Variants in ALG2 observed in about 807,000 individuals in gnomAD.
The protein encoded by ALG2 is ALG2 alpha-1,3/1,6-mannosyltransferase.
Under a neutral mutation model 30.5 loss-of-function variants are expected in ALG2, and 32 were observed. That is an observed-to-expected ratio of 1.05 (90% CI 0.79 to 1.41). The LOEUF is 1.41. Among genes scored for constraint, ALG2 ranks in the 40% most tolerant of loss-of-function variants. The pLI is 0.00. For missense variants in ALG2, 574 were observed against 526.4 expected, an observed-to-expected ratio of 1.09 and a Z score of -0.88; for synonymous variants, 253 against 224.8, an observed-to-expected ratio of 1.13 and a Z score of -1.12.
At chr9:99,219,098 G>A (rs1369403666) in intron 1 of ALG2, among the ~76,000 whole-genome samples, 4 of 152,110 alleles carry the variant, frequency 2.6e-5, no homozygotes, top group African/African-American at 2.4e-5. Context: ...TAGAAATCTA[G>A]TAATATTAAA....
At chr9:99,220,930 G>GA in intron 1 of ALG2, 2 of 1,326,766 alleles carry the variant, frequency 1.5e-6, no homozygotes, top group Non-Finnish European at 2.0e-6. Context: ...ATGCACGAAG[G>GA]AAAGAGTCAA....
chr9:99,219,884 G>A (rs1381080135), intron 1 of ALG2, among the ~76,000 whole-genome samples: 1 of 152,316 alleles, frequency 6.6e-6, no homozygotes, highest in Non-Finnish European at 1.5e-5. Flanking sequence ...CAGGATGTTT[G>A]GTAAATGTCC....
At position 99,217,239 on chromosome 9, in the gene ALG2, A is replaced by G. The variant is rs763502604; in HGVS notation, c.*695T>C. On this transcript the variant is annotated 3_prime_UTR_variant, in exon 2 of 2. Transcript: ENST00000476832. ...AAACAAGATGCACAACACATGTGTG[A>G]CAATATTCTTGCTTCATTTCAATAT... 1 of 454,156 alleles carries G rather than the reference A, an allele frequency of 2.2e-6. No homozygotes were observed. The highest frequency in any genetic ancestry group is 1.6e-5 in the South Asian group (1 of 64,474). The allele number at this position is 454,156 out of a possible 1,614,324, so 28.1% of individuals were successfully genotyped here.
intron 1 of ALG2, chr9:99,221,165 G>C (rs773188475): frequency 7.3e-7 from 1 of 1,372,660 alleles, no homozygotes; most frequent in Non-Finnish European, 9.6e-7. Flanking sequence ...AAAAATAACA[G>C]GTAAGCGGGA....
In ALG2 at chr9:99,221,655, G is replaced by C; in HGVS notation, c.240C>G (p.Gly80=). The C allele has an allele frequency of 6.5e-7, 1 of 1,546,852 alleles. No homozygotes were observed. The highest frequency in any genetic ancestry group is 8.7e-7 in the Non-Finnish European group (1 of 1,149,584). The change falls in exon 1 of 2, where the codon GGC becomes GGG. Residue 80 remains glycine, a synonymous_variant. Coordinates refer to ENST00000476832, the MANE Select transcript of ALG2 (RefSeq NM_033087.4). ...CAGDWLPRGL[G]WGGRGAAVCA... Reference sequence around the variant, plus strand: ...AGACGGCGGCGCCGCGGCCGCCCCAGCCCAGGCCTCGCGGCAGCCAGTCCC... The same window carrying C: ...AGACGGCGGCGCCGCGGCCGCCCCACCCCAGGCCTCGCGGCAGCCAGTCCC...
In ALG2 at chr9:99,218,104, G is replaced by A. The variant is rs779437974; in HGVS notation, c.1081C>T (p.Leu361=). 2 of 1,613,214 alleles carry A rather than the reference G, an allele frequency of 1.2e-6. No individual in the cohort carries two copies. Among genetic ancestry groups the A allele is most frequent in the East Asian group, 4.5e-5 (2 of 44,876 alleles). Residue 361 remains leucine (L), a synonymous_variant, in exon 2 of 2, where the codon CTG becomes TTG. Coordinates refer to ENST00000476832, the MANE Select transcript of ALG2 (RefSeq NM_033087.4). ...ESIDHSVTGF[L]CEPDPVHFSE... ...AAGTGCACCGGGTCAGGCTCACACA[G>A]AAACCCTGTGACACTGTGGTCAATG...
At position 99,218,165 on chromosome 9, in the gene ALG2, T is replaced by C. The variant is rs762693196; in HGVS notation, c.1020A>G (p.Pro340=). ...GTCCACCCGAATTAACAGCAATGAC[T>C]GGGCACTGCATGTACATGGCTTCCA... The part of the protein sequence containing the change: ...VPLEAMYMQC[P]VIAVNSGGPL... The change falls in exon 2 of 2, where the codon CCA becomes CCG. Residue 340 remains proline, a synonymous_variant. Transcript: ENST00000476832. The C allele has an allele frequency of 6.8e-6, 11 of 1,612,378 alleles. No homozygotes were observed. The Admixed American group carries it at 8.3e-5, about 12-fold the overall frequency.
chr9:99,221,680 C>G lies in ALG2; in HGVS notation c.215G>C (p.Gly72Ala). Residue 72 changes from glycine (G) to alanine (A), a missense_variant, in exon 1 of 2, where the codon GGG becomes GCG. Physicochemically the swap from Gly to Ala is moderately conservative, Grantham distance 60 (BLOSUM62 0). Transcript: ENST00000476832. ...ESRELPVRCA[G>A]DWLPRGLGWG... ...GCCCAGGCCTCGCGGCAGCCAGTCC[C>G]CGGCACAGCGCACCGGTAGCTCGCG... The G allele has an allele frequency of 6.4e-7, 1 of 1,566,662 alleles. No individual in the cohort carries two copies.
In ALG2 at chr9:99,221,768, G is replaced by C; in HGVS notation, c.127C>G (p.Arg43Gly). The C allele has an allele frequency of 6.3e-7, 1 of 1,598,544 alleles. No individual in the cohort carries two copies. The highest frequency in any genetic ancestry group is 8.5e-7 in the Non-Finnish European group (1 of 1,179,504). ...VLDAALALQA[R>G]GCSVKIWTAH... ...GTCCAGATCTTCACGCTACACCCGCGCGCCTGCAGCGCCAGCGCCGCGTCC... is the reference window on the plus strand; with the variant it reads ...GTCCAGATCTTCACGCTACACCCGCCCGCCTGCAGCGCCAGCGCCGCGTCC... The change falls in exon 1 of 2, where the codon CGC becomes GGC. Residue 43 changes from arginine (R) to glycine (G), a missense_variant. Arg to Gly is a moderately radical substitution (Grantham distance 125). Transcript: ENST00000476832.
At chr9:99,221,156 A>C (rs1191570635) in intron 1 of ALG2, 1 of 1,366,026 alleles carries the variant, frequency 7.3e-7, no homozygotes, top group African/African-American at 1.5e-5. Context: ...AGAGTCAACA[A>C]AAATAACAGG....
intron 1 of ALG2, among the ~76,000 whole-genome samples, chr9:99,220,657 A>C (rs1828778149): frequency 6.6e-6 from 1 of 151,930 alleles, no homozygotes; most frequent in South Asian, 2.1e-4. Context: ...TAAATAAATA[A>C]ATAAATTTTT....
chr9:99,217,168 A>G lies in ALG2; in HGVS notation c.*766T>C. On this transcript the variant is annotated 3_prime_UTR_variant, in exon 2 of 2. Coordinates refer to ENST00000476832, the MANE Select transcript of ALG2 (RefSeq NM_033087.4). ...TAGGAGCTTGGTCAAGACAACACAAATATTAACAAAACTAATGACCTAGAT... is the reference window on the plus strand; with the variant it reads ...TAGGAGCTTGGTCAAGACAACACAAGTATTAACAAAACTAATGACCTAGAT... The G allele has an allele frequency of 2.2e-6, 1 of 454,054 alleles. No homozygotes were observed. Among genetic ancestry groups the G allele is most frequent in the Non-Finnish European group, 4.4e-6 (1 of 226,724 alleles). 28.1% of individuals were successfully genotyped at this position (454,054 alleles called of 1,614,324 possible). A position where few individuals can be genotyped will look rare whatever the true frequency, so the allele number is the denominator to read the frequency against.
In ALG2 at chr9:99,217,919, T is replaced by C; in HGVS notation, c.*15A>G. 6.2e-7 allele frequency: 1 copy of C among 1,613,838 alleles called. No homozygotes were observed. The highest frequency in any genetic ancestry group is 1.1e-5 in the South Asian group (1 of 91,076). On this transcript the variant is annotated 3_prime_UTR_variant, in exon 2 of 2. Transcript: ENST00000476832. ...CATAAAAATGACATTAATGGAGATC[T>C]TAAAAACAATCTGATTATACCAGCA... is the stretch of plus-strand genomic sequence containing the variant.
At position 99,218,085 on chromosome 9, in the gene ALG2, A is replaced by G. The variant is rs35626507; in HGVS notation, c.1100T>C (p.Val367Ala). 0.072 allele frequency: 116,635 copies of G among 1,613,910 alleles called. 4,714 individuals carry two copies. The highest frequency in any genetic ancestry group is 0.081 in the Middle Eastern group (491 of 6,060). Residue 367 changes from valine (V) to alanine (A), a missense_variant, in exon 2 of 2, where the codon GTG (valine) becomes GCG (alanine). Transcript: ENST00000476832. ...CTTTTCTATTGCTTCTGAGAAGTGC[A>G]CCGGGTCAGGCTCACACAGAAACCC... is the stretch of plus-strand genomic sequence containing the variant. ...VTGFLCEPDP[V>A]HFSEAIEKFI... is the part of the protein sequence containing the mutation.
chr9:99,216,735 C>T lies in ALG2; in HGVS notation c.*1199G>A. The T allele has an allele frequency of 2.2e-6, 1 of 452,522 alleles. No individual in the cohort carries two copies. Among genetic ancestry groups the T allele is most frequent in the Non-Finnish European group, 4.4e-6 (1 of 225,896 alleles). The allele number at this position is 452,522 out of a possible 1,614,324, so 28.0% of individuals were successfully genotyped here. On this transcript the variant is annotated 3_prime_UTR_variant, in exon 2 of 2. Transcript: ENST00000476832. ...ATTATCATAATCTGTTATAACCGCA[C>T]TATGAGGAAAGTAGAATAGTACAAT...
rs771409082 is a variant in ALG2, at chr9:99,217,761, T to A, written c.*173A>T. 1.3e-6 allele frequency: 1 copy of A among 770,428 alleles called. No homozygotes were observed. Among genetic ancestry groups the A allele is most frequent in the Non-Finnish European group, 2.2e-6 (1 of 449,404 alleles). 47.7% of individuals were successfully genotyped at this position (770,428 alleles called of 1,614,324 possible). Reference sequence around the variant, plus strand: ...ATTATAGCATAAAAGACATGGTTTTTCTGAAAAGTGGACAGGGAGGTGTGG... The same window carrying A: ...ATTATAGCATAAAAGACATGGTTTTACTGAAAAGTGGACAGGGAGGTGTGG... On this transcript the variant is annotated 3_prime_UTR_variant, in exon 2 of 2. Coordinates refer to ENST00000476832, the MANE Select transcript of ALG2 (RefSeq NM_033087.4).
Position 99,221,837 on chromosome 9 carries a change from G to A in ALG2, c.58C>T (p.Leu20Phe), listed in dbSNP as rs1828813642. The A allele has an allele frequency of 6.3e-7, 1 of 1,595,796 alleles. No homozygotes were observed. The highest frequency in any genetic ancestry group is 1.3e-5 in the African/African-American group (1 of 74,960). ...DSVPKPSVLF[L>F]HPDLGVGGAE... ...CCGCCCACGCCCAGGTCTGGGTGGA[G>A]GAACAGCACCGACGGCTTGGGAACC... Residue 20 changes from leucine to phenylalanine, a missense_variant, in exon 1 of 2, where the codon CTC (leucine) becomes TTC (phenylalanine). Physicochemically the swap from Leu to Phe is conservative, Grantham distance 22 (BLOSUM62 0). Coordinates refer to ENST00000476832, the MANE Select transcript of ALG2 (RefSeq NM_033087.4).
chr9:99,218,311 C>T lies in ALG2; in HGVS notation c.874G>A (p.Asp292Asn), dbSNP rs1276667626. The T allele has an allele frequency of 3.1e-6, 5 of 1,614,078 alleles. No homozygotes were observed. Among genetic ancestry groups the T allele is most frequent in the Admixed American group, 1.7e-5 (1 of 60,004 alleles). Reference sequence around the variant, plus strand: ...AAGAAGGTCACATACTGGCCAAGGTCGGACTGTTGGACCATTTTCTTCAAT... The same window carrying T: ...AAGAAGGTCACATACTGGCCAAGGTTGGACTGTTGGACCATTTTCTTCAAT... ...QELKKMVQQS[D>N]LGQYVTFLRS... Residue 292 changes from aspartate (D) to asparagine (N), a missense_variant, in exon 2 of 2, where the codon GAC (aspartate) becomes AAC (asparagine). Physicochemically the swap from Asp to Asn is conservative, Grantham distance 23. Transcript: ENST00000476832.
intron 1 of ALG2, chr9:99,220,845 C>T (rs936755834): frequency 1.9e-5 from 18 of 929,304 alleles, no homozygotes; most frequent in African/African-American, 3.5e-5. Context: ...TTTTAGGTTA[C>T]ATCCTTCTAT....
Sources: gnomAD v4.1 joint callset for allele counts (sites outside exome capture counted in the v4.1 genomes callset) on GRCh38, gnomAD v4.1.1 for gene constraint, MANE v1.5 for transcripts, NCBI Gene and HGNC (gene_info 2026-07-23, HGNC 2026-07-21) for gene names.